The following ANKRD62 variants were observed in gnomAD, a reference collection of about 807,000 sequenced individuals.
ANKRD62 encodes the protein ankyrin repeat domain-containing protein 62.
Under a neutral mutation model 98.8 loss-of-function variants are expected in ANKRD62, and 61 were observed. The ratio of observed to expected loss-of-function variants is 0.62; its 90% confidence interval spans 0.50 to 0.76. ANKRD62 has a LOEUF of 0.76. Ranked by LOEUF, ANKRD62 falls within the 30% of genes least tolerant of loss-of-function variation. ANKRD62 has a pLI of 0.00. For synonymous variants in ANKRD62, 341 were observed against 367.9 expected (o/e 0.93, Z 0.84); for missense variants, 933 against 1,082.9 (o/e 0.86, Z 1.94).
At chr18:12,127,687 A>G in intron 13 of ANKRD62, 61 bp from the exon 14 acceptor site, 8 of 1,250,928 alleles carry the variant, frequency 6.4e-6, no homozygotes, top group African/African-American at 1.5e-5. Context: ...GTTAAATATT[A>G]TTAACAAAAT....
the ANKRD62 span, among the ~76,000 whole-genome samples, chr18:12,166,597 C>T: frequency 6.6e-6 from 1 of 151,956 alleles, no homozygotes; most frequent in Non-Finnish European, 1.5e-5. Flanking sequence ...TCTGAAAAGT[C>T]ACATATCTCT....
chr18:12,166,600 A>G, the ANKRD62 span, among the ~76,000 whole-genome samples: 2 of 151,994 alleles, frequency 1.3e-5, no homozygotes, highest in African/African-American at 4.8e-5. Flanking sequence ...GAAAAGTCAC[A>G]TATCTCTGTT....
At chr18:12,149,906 A>G in the ANKRD62 span, among the ~76,000 whole-genome samples, 3 of 150,290 alleles carry the variant, frequency 2.0e-5, no homozygotes, top group Admixed American at 2.0e-4. Context: ...TAAGGACCAC[A>G]ACAGTTCTCC....
At chr18:12,112,751 GA>G (rs1244970510) in intron 8 of ANKRD62, among the ~76,000 whole-genome samples, 1 of 152,154 alleles carries the variant, frequency 6.6e-6, no homozygotes, top group Non-Finnish European at 1.5e-5. Context: ...CACAGCAAAA[GA>G]AACTGTCATC....
chr18:12,171,028 T>C, the ANKRD62 span, among the ~76,000 whole-genome samples: 29 of 152,000 alleles, frequency 1.9e-4, no homozygotes, highest in South Asian at 4.6e-3. Context: ...AGCGTATGTG[T>C]GTCTCTGCAC....
rs115346023 is a variant in ANKRD62, at chr18:12,114,205, C to T, written c.1065-883C>T. ...TAACTAATGAGTACTAGGCTTAATA[C>T]GTGTGTGATGAAATAATCTGCAACA... On this transcript the variant is annotated intron_variant, in intron 8 of 13. Coordinates refer to ENST00000587848, the MANE Select transcript of ANKRD62 (RefSeq NM_001277333.2). 3.6e-3 allele frequency among the ~76,000 whole-genome samples: 549 copies of T among 151,872 alleles called. 4 individuals carry two copies. Among genetic ancestry groups the T allele is most frequent in the African/African-American group, 0.013 (532 of 41,402 alleles).
chr18:12,099,986 G>A (rs1181381202), intron 6 of ANKRD62, among the ~76,000 whole-genome samples: 1 of 152,020 alleles, frequency 6.6e-6, no homozygotes, highest in Non-Finnish European at 1.5e-5. Flanking sequence ...TTTCTTTATA[G>A]TCACCTTATG....
chr18:12,133,386 A>G (rs1437987032), downstream of ANKRD62, among the ~76,000 whole-genome samples: 1 of 152,184 alleles, frequency 6.6e-6, no homozygotes, highest in African/African-American at 2.4e-5. Flanking sequence ...ATGTGGACAT[A>G]TGTTCCTCTT....
the ANKRD62 span, among the ~76,000 whole-genome samples, chr18:12,139,380 C>G: frequency 7.9e-5 from 12 of 152,234 alleles, no homozygotes; most frequent in Admixed American, 6.5e-4. Flanking sequence ...CACGGTGGCT[C>G]ATGCCTGTAA....
chr18:12,127,673 T>C, intron 13 of ANKRD62, 75 bp from the exon 14 acceptor site: 1 of 1,148,244 alleles, frequency 8.7e-7, no homozygotes, highest in Non-Finnish European at 1.1e-6. Context: ...GTGTGTATAT[T>C]AGAGTTAAAT....
At chr18:12,123,932 A>AT (rs1568065619) in intron 11 of ANKRD62, among the ~76,000 whole-genome samples, 10 of 152,218 alleles carry the variant, frequency 6.6e-5, no homozygotes, top group Non-Finnish European at 1.5e-5. Flanking sequence ...AATTACTAGT[A>AT]ACAGAAGCTA....
the ANKRD62 span, among the ~76,000 whole-genome samples, chr18:12,178,109 C>T: frequency 2.0e-5 from 3 of 151,332 alleles, no homozygotes; most frequent in Non-Finnish European, 4.4e-5. Context: ...CATGAAAGTC[C>T]ATCCAGGGGA....
chr18:12,173,181 T>C, the ANKRD62 span, among the ~76,000 whole-genome samples: 1 of 152,230 alleles, frequency 6.6e-6, no homozygotes, highest in Non-Finnish European at 1.5e-5. Flanking sequence ...GTCTTCTGCA[T>C]TGCTCACGCT....
the ANKRD62 span, among the ~76,000 whole-genome samples, chr18:12,159,318 G>A: frequency 0.61 from 93,240 of 151,892 alleles, 29,058 homozygotes; most frequent in Middle Eastern, 0.76. Context: ...TGATTTGGGG[G>A]TAATTTTCTC....
the ANKRD62 span, among the ~76,000 whole-genome samples, chr18:12,151,917 G>A: frequency 0.011 from 1,662 of 152,096 alleles, 22 homozygotes; most frequent in Middle Eastern, 0.054. Flanking sequence ...AGTAACATGA[G>A]TAACTACTAA....
the ANKRD62 span, among the ~76,000 whole-genome samples, chr18:12,141,558 C>T: frequency 6.8e-6 from 1 of 147,800 alleles, no homozygotes; most frequent in Admixed American, 6.8e-5. Flanking sequence ...CTGTATTATT[C>T]TATTGTGACT....
chr18:12,126,108 G>GA lies in ANKRD62; in HGVS notation c.2292dup (p.Tyr765IlefsTer27). Reference sequence around the variant, plus strand: ...GTACCAAAATGACCAACCTATTTTGGAAAAATACGTGAGAAAGCAGCAATC... The same window carrying GA: ...GTACCAAAATGACCAACCTATTTTGGAAAAAATACGTGAGAAAGCAGCAATC... On this transcript the variant is annotated frameshift_variant, in exon 13 of 14. Transcript: ENST00000587848. LOFTEE classifies it high-confidence loss of function. The GA allele has an allele frequency of 6.5e-7, 1 of 1,536,070 alleles. No homozygotes were observed. Among genetic ancestry groups the GA allele is most frequent in the Non-Finnish European group, 8.7e-7 (1 of 1,146,880 alleles).
chr18:12,172,484 G>T, the ANKRD62 span, among the ~76,000 whole-genome samples: 1 of 152,086 alleles, frequency 6.6e-6, no homozygotes, highest in Non-Finnish European at 1.5e-5. Context: ...CCTTCCTCTG[G>T]AAGCTTCATC....
chr18:12,169,706 G>T, the ANKRD62 span, among the ~76,000 whole-genome samples: 93,304 of 152,028 alleles, frequency 0.61, 29,076 homozygotes, highest in Middle Eastern at 0.76. Flanking sequence ...TCAGAAGGAA[G>T]GGTACCAGAT....
Sources: allele counts gnomAD v4.1 joint callset (sites outside exome capture counted in the v4.1 genomes callset), GRCh38; gene constraint gnomAD v4.1.1; transcripts MANE v1.5; gene names NCBI Gene and HGNC (gene_info 2026-07-23, HGNC 2026-07-21).